Variants in LINC00305 observed in about 807,000 individuals in gnomAD.
The protein encoded by LINC00305 is long independently transcribed non-coding RNA 305.
At chr18:64,100,398 A>G (rs1397665552) in intron 1 of LINC00305, among the ~76,000 whole-genome samples, 1 of 152,156 alleles carries the variant, frequency 6.6e-6, no homozygotes, top group African/African-American at 2.4e-5. Context: ...TTGTGTGTTC[A>G]CCACAACCTC....
intron 1 of LINC00305, among the ~76,000 whole-genome samples, chr18:64,114,808 C>T (rs554134413): frequency 2.6e-4 from 40 of 152,332 alleles, no homozygotes; most frequent in South Asian, 1.2e-3. Context: ...CTCGGCCTCC[C>T]GAAGTGCTGG....
chr18:64,107,623 A>G (rs1599214681), intron 1 of LINC00305, among the ~76,000 whole-genome samples: 1 of 152,228 alleles, frequency 6.6e-6, no homozygotes, highest in Non-Finnish European at 1.5e-5. Flanking sequence ...TGGAGGGTTT[A>G]GAGAATAGAA....
At chr18:64,108,214 G>A (rs1023207973) in intron 1 of LINC00305, among the ~76,000 whole-genome samples, 4 of 152,178 alleles carry the variant, frequency 2.6e-5, no homozygotes, top group Non-Finnish European at 4.4e-5. Flanking sequence ...TGTTAAAGTC[G>A]AAGGAAGGGT....
intron 1 of LINC00305, among the ~76,000 whole-genome samples, chr18:64,117,049 CCTCAGGCCCCTAGTCCTTG>C (rs2051340907): frequency 6.6e-6 from 1 of 152,208 alleles, no homozygotes; most frequent in South Asian, 2.1e-4. Context: ...TAGTGATTCG[CCTCAGGCCCCTAGTCCTTG>C]CTCACTCTAA....
intron 1 of LINC00305, among the ~76,000 whole-genome samples, chr18:64,133,008 T>C (rs1395297700): frequency 6.6e-6 from 1 of 152,186 alleles, no homozygotes; most frequent in Non-Finnish European, 1.5e-5. Context: ...GGGGAACAGC[T>C]GGGACTTCAG....
intron 1 of LINC00305, among the ~76,000 whole-genome samples, chr18:64,144,814 T>C (rs2051489175): frequency 6.6e-6 from 1 of 152,206 alleles, no homozygotes; most frequent in Non-Finnish European, 1.5e-5. Flanking sequence ...CGGGATGTGC[T>C]TCCCCCTGCA....
At position 64,129,174 on chromosome 18, in the gene LINC00305, T is replaced by A. The variant is rs1768433804; in HGVS notation, n.314+19601A>T. On this transcript the variant is annotated intron_variant and non_coding_transcript_variant, in intron 1 of 3. Coordinates refer to ENST00000666468, the Ensembl canonical transcript of LINC00305. ...AAGGCTCTTGTTTCTTTTAATTAGG[T>A]AGAAGGAATACATTGCAATGTAGTT... 2.0e-5 allele frequency among the ~76,000 whole-genome samples: 3 copies of A among 152,250 alleles called. No individual in the cohort carries two copies. In the East Asian group the frequency reaches 5.8e-4, roughly 29 times the overall value.
chr18:64,083,192 A>C (rs2051191250), intron 3 of LINC00305, among the ~76,000 whole-genome samples: 1 of 152,154 alleles, frequency 6.6e-6, no homozygotes, highest in South Asian at 2.1e-4. Context: ...GTTTAGCCAA[A>C]GAAGTGGTAA....
intron 1 of LINC00305, among the ~76,000 whole-genome samples, chr18:64,148,442 C>T (rs2051508775): frequency 6.6e-6 from 1 of 151,202 alleles, no homozygotes; most frequent in Admixed American, 6.6e-5. Context: ...AATCATCCTA[C>T]ATACCCTTAA....
In LINC00305 at chr18:64,144,593, C is replaced by T. The variant is rs563878189; in HGVS notation, n.314+4182G>A. Among the ~76,000 whole-genome samples, 21 of 152,272 alleles carry T rather than the reference C, an allele frequency of 1.4e-4. No homozygotes were observed. The South Asian group carries it at 3.3e-3, about 24-fold the overall frequency. Reference sequence around the variant, plus strand: ...GTCTGATCTCAGCTCATTGCAACCTCTGCCTCCAAGGTTCAAGTGATTCTC... The same window carrying T: ...GTCTGATCTCAGCTCATTGCAACCTTTGCCTCCAAGGTTCAAGTGATTCTC... On this transcript the variant is annotated intron_variant and non_coding_transcript_variant, in intron 1 of 3. Transcript: ENST00000666468.
intron 1 of LINC00305, among the ~76,000 whole-genome samples, chr18:64,141,314 AATGATTTCT>A (rs921852345): frequency 5.3e-5 from 8 of 152,158 alleles, no homozygotes; most frequent in African/African-American, 1.4e-4. Context: ...GAAAGAACCA[AATGATTTCT>A]TAAGCTATCT....
At chr18:64,148,650 T>C (rs533269104) in intron 1 of LINC00305, 1 of 152,230 alleles carries the variant, frequency 6.6e-6, no homozygotes, top group Non-Finnish European at 1.5e-5. Context: ...TCTTGGCTAT[T>C]CTTTTTCTTA....
intron 1 of LINC00305, among the ~76,000 whole-genome samples, chr18:64,102,745 C>T (rs1167503059): frequency 1.3e-5 from 2 of 152,164 alleles, no homozygotes; most frequent in Non-Finnish European, 2.9e-5. Flanking sequence ...GCTTGTCTTA[C>T]ATGGTCAGAG....
rs181129652 is a variant in LINC00305 at position 64,142,008 on chromosome 18, G to A, written n.314+6767C>T. On this transcript the variant is annotated intron_variant and non_coding_transcript_variant, in intron 1 of 3. Coordinates refer to ENST00000666468, the Ensembl canonical transcript of LINC00305. ...ACATTATTGAGCTATAAAGGTCTTG[G>A]AATGAAATTTTCTCCTATATTCATA... Among the ~76,000 whole-genome samples the A allele has an allele frequency of 2.0e-4, 31 of 152,272 alleles. No individual in the cohort carries two copies. In the East Asian group the frequency reaches 5.2e-3, roughly 26 times the overall value.
At chr18:64,080,648 G>C (rs1367603304) in intron 3 of LINC00305, among the ~76,000 whole-genome samples, 1 of 152,072 alleles carries the variant, frequency 6.6e-6, no homozygotes. Context: ...ACATTAATTG[G>C]AGCTAGGTTT....
At chr18:64,086,071 A>G (rs964586291) in intron 3 of LINC00305, among the ~76,000 whole-genome samples, 3 of 152,204 alleles carry the variant, frequency 2.0e-5, no homozygotes, top group African/African-American at 7.2e-5. Context: ...AGATTTATAA[A>G]CTGGAATCCT....
At chr18:64,126,787 C>G (rs1385037849) in intron 1 of LINC00305, among the ~76,000 whole-genome samples, 1 of 152,106 alleles carries the variant, frequency 6.6e-6, no homozygotes, top group African/African-American at 2.4e-5. Flanking sequence ...TAATGTTAAG[C>G]ACTCAGGAGA....
At chr18:64,120,753 C>T (rs1244628047) in intron 1 of LINC00305, among the ~76,000 whole-genome samples, 1 of 152,094 alleles carries the variant, frequency 6.6e-6, no homozygotes, top group African/African-American at 2.4e-5. Context: ...TGTAGTTTAG[C>T]TCAAAATATC....
chr18:64,135,308 G>T (rs2051427824), intron 1 of LINC00305, among the ~76,000 whole-genome samples: 1 of 152,162 alleles, frequency 6.6e-6, no homozygotes, highest in Non-Finnish European at 1.5e-5. Context: ...CCAGACATTA[G>T]GACTCCAGCA....
Sources: allele counts gnomAD v4.1 joint callset (sites outside exome capture counted in the v4.1 genomes callset), GRCh38; gene constraint gnomAD v4.1.1; transcripts MANE v1.5; gene names NCBI Gene and HGNC (gene_info 2026-07-23, HGNC 2026-07-21).